The following CAMTA1 variants were observed in gnomAD, a reference collection of about 807,000 sequenced individuals.
CAMTA1 encodes the protein calmodulin-binding transcription activator 1.
Under a neutral mutation model 170.9 loss-of-function variants are expected in CAMTA1, and 27 were observed. That is an observed-to-expected ratio of 0.16 (90% CI 0.12 to 0.22). The LOEUF (loss-of-function observed/expected upper bound fraction) is 0.22. Among genes scored for constraint, CAMTA1 ranks in the 10% least tolerant of loss-of-function variants. CAMTA1 has a pLI of 1.00. For synonymous variants in CAMTA1, 833 were observed against 891.5 expected, an observed-to-expected ratio of 0.93 and a Z score of 1.17; for missense variants, 1,619 against 2,217.2, an observed-to-expected ratio of 0.73 and a Z score of 5.42.
intron 1 of CAMTA1, among the ~76,000 whole-genome samples, chr1:6,816,008 G>A (rs1381780715): frequency 1.3e-5 from 2 of 152,096 alleles, no homozygotes; most frequent in African/African-American, 2.4e-5. Flanking sequence ...GATACATCTT[G>A]GGATCACTTG....
rs542608175 is a variant in CAMTA1 at position 7,041,938 on chromosome 1, G to A, written c.235-49366G>A. Among the ~76,000 whole-genome samples the A allele has an allele frequency of 1.3e-4, 20 of 152,316 alleles. No individual in the cohort carries two copies. The highest frequency in any genetic ancestry group is 2.9e-4 in the Non-Finnish European group (20 of 68,026). On this transcript the variant is annotated intron_variant, in intron 3 of 22. Transcript: ENST00000303635. The surrounding 1 kb of genome is among the most constrained non-coding windows in gnomAD (Gnocchi z 5.1). The stretch of plus-strand genomic sequence containing the variant: ...GCAGGGGTTAACGTCTGAATGCTCT[G>A]ATCTGGAAGCTTCTAGAAGCTCCTA...
In CAMTA1 at chr1:7,144,571, C is replaced by T. The variant is rs1303166344; in HGVS notation, c.302+53200C>T. On this transcript the variant is annotated intron_variant, in intron 4 of 22. Transcript: ENST00000303635. This position sits in a 1 kb window ranked among gnomAD's most constrained non-coding sequence, Gnocchi z 4.0. ...GCCTTGTCGGTGTAGTTTGTGGCTTCAGTGTTGTGAGGACTTACTCTCATT... is the reference window on the plus strand; with the variant it reads ...GCCTTGTCGGTGTAGTTTGTGGCTTTAGTGTTGTGAGGACTTACTCTCATT... Among the ~76,000 whole-genome samples the T allele has an allele frequency of 6.6e-6, 1 of 152,130 alleles. No homozygotes were observed. Among genetic ancestry groups the T allele is most frequent in the Non-Finnish European group, 1.5e-5 (1 of 68,020 alleles).
intron 4 of CAMTA1, among the ~76,000 whole-genome samples, chr1:7,196,604 G>A (rs139379141): frequency 1.3e-5 from 2 of 152,286 alleles, no homozygotes; most frequent in African/African-American, 4.8e-5. Flanking sequence ...ACTAGCTGTA[G>A]GAACTAATTT....
chr1:7,216,381 T>C lies in CAMTA1; in HGVS notation c.303-33110T>C, dbSNP rs1200521041. On this transcript the variant is annotated intron_variant, in intron 4 of 22. Coordinates refer to ENST00000303635, the MANE Select transcript of CAMTA1 (RefSeq NM_015215.4). This position sits in a 1 kb window ranked among gnomAD's most constrained non-coding sequence, Gnocchi z 4.0. ...TGTCAAGGAAATTGATTATATTGTT[T>C]AGGGCTTCTGTGTCCTTACTTATTT... 2.6e-5 allele frequency among the ~76,000 whole-genome samples: 4 copies of C among 152,240 alleles called. No individual in the cohort carries two copies. Among genetic ancestry groups the C allele is most frequent in the Non-Finnish European group, 4.4e-5 (3 of 68,040 alleles).
chr1:7,026,915 A>G (rs1367022902), intron 3 of CAMTA1, among the ~76,000 whole-genome samples: 2 of 152,156 alleles, frequency 1.3e-5, no homozygotes. Context: ...GACATGAGCC[A>G]CTGTGTCCGG....
chr1:6,812,335 T>C (rs2148358951), intron 1 of CAMTA1, among the ~76,000 whole-genome samples: 1 of 152,324 alleles, frequency 6.6e-6, no homozygotes, highest in Non-Finnish European at 1.5e-5. Flanking sequence ...ATTTCTAGAA[T>C]AGGCTTAATG....
At chr1:7,111,681 C>T (rs941909201) in intron 4 of CAMTA1, among the ~76,000 whole-genome samples, 3 of 152,088 alleles carry the variant, frequency 2.0e-5, no homozygotes, top group Non-Finnish European at 2.9e-5. Flanking sequence ...GTCAGGAGAT[C>T]AAGACCATCC....
At chr1:7,625,878 A>T (rs2095630026) in intron 6 of CAMTA1, among the ~76,000 whole-genome samples, 1 of 152,216 alleles carries the variant, frequency 6.6e-6, no homozygotes, top group Non-Finnish European at 1.5e-5. Context: ...TTAGTATAGC[A>T]GGTCCCGTTA....
chr1:7,128,825 C>T (rs1401710625), intron 4 of CAMTA1, among the ~76,000 whole-genome samples: 5 of 143,154 alleles, frequency 3.5e-5, no homozygotes, highest in Non-Finnish European at 6.0e-5. Context: ...CGATTAGCTC[C>T]CCCTCCTTTT....
chr1:6,854,248 A>C (rs1209135883), intron 3 of CAMTA1, among the ~76,000 whole-genome samples: 1 of 152,170 alleles, frequency 6.6e-6, no homozygotes, highest in Admixed American at 6.5e-5. Context: ...TTCTATGTTT[A>C]TATGTGTTTA....
At chr1:7,625,325 C>T (rs1428706212) in intron 6 of CAMTA1, among the ~76,000 whole-genome samples, 1 of 152,264 alleles carries the variant, frequency 6.6e-6, no homozygotes, top group Non-Finnish European at 1.5e-5. Flanking sequence ...CGTCTCTCCC[C>T]TCCTTCAGCT....
rs972241656 is a variant in CAMTA1, at chr1:7,609,793, G to T, written c.511-30607G>T. 6.6e-6 allele frequency among the ~76,000 whole-genome samples: 1 copy of T among 152,154 alleles called. No individual in the cohort carries two copies. The highest frequency in any genetic ancestry group is 6.5e-5 in the Admixed American group (1 of 15,286). On this transcript the variant is annotated intron_variant, in intron 6 of 22. Transcript: ENST00000303635. This position sits in a 1 kb window ranked among gnomAD's most constrained non-coding sequence, Gnocchi z 4.4. ...AAAGCCAGGTGGGAACTGCCCTCCC[G>T]CAGGGCACCTGTGAACACGTGTGAG...
intron 4 of CAMTA1, among the ~76,000 whole-genome samples, chr1:7,178,309 C>T (rs1573679210): frequency 6.6e-6 from 1 of 152,276 alleles, no homozygotes. Context: ...AAGGGTTTGT[C>T]AACAGTTATC....
intron 6 of CAMTA1, among the ~76,000 whole-genome samples, chr1:7,468,424 G>A (rs1441764768): frequency 1.3e-5 from 2 of 152,216 alleles, no homozygotes; most frequent in Admixed American, 1.3e-4. Flanking sequence ...GGCTGGGCAT[G>A]CTAGCCATTC....
intron 5 of CAMTA1, among the ~76,000 whole-genome samples, chr1:7,448,321 G>T (rs2092729656): frequency 1.3e-5 from 2 of 152,204 alleles, no homozygotes; most frequent in African/African-American, 4.8e-5. Context: ...ACAGGAAGGT[G>T]TGAAACCTGA....
At chr1:7,470,079 C>T (rs192909580) in intron 6 of CAMTA1, among the ~76,000 whole-genome samples, 87 of 152,322 alleles carry the variant, frequency 5.7e-4, no homozygotes, top group African/African-American at 1.7e-3. Context: ...CGAGCTGGGG[C>T]CTCTTCATCT....
At chr1:7,176,584 AC>A in intron 4 of CAMTA1, among the ~76,000 whole-genome samples, 1 of 152,204 alleles carries the variant, frequency 6.6e-6, no homozygotes, top group Non-Finnish European at 1.5e-5. Context: ...TTCTGATTCT[AC>A]AGCTCGTTCG....
intron 6 of CAMTA1, among the ~76,000 whole-genome samples, chr1:7,593,032 C>G (rs763025331): frequency 6.6e-6 from 1 of 152,168 alleles, no homozygotes; most frequent in Non-Finnish European, 1.5e-5. Flanking sequence ...GTGCCTACAT[C>G]CCAAAAGCCA....
chr1:7,273,745 C>A (rs1317267739), intron 5 of CAMTA1, among the ~76,000 whole-genome samples: 2 of 151,730 alleles, frequency 1.3e-5, no homozygotes, highest in Non-Finnish European at 2.9e-5. Context: ...AATTATAGCT[C>A]AAAAATATGT....
Sources: allele counts gnomAD v4.1 joint callset (sites outside exome capture counted in the v4.1 genomes callset), GRCh38; gene constraint gnomAD v4.1.1; non-coding constraint Gnocchi (gnomAD v3.1); transcripts MANE v1.5; gene names NCBI Gene and HGNC (gene_info 2026-07-23, HGNC 2026-07-21).